The following PTK2 variants were observed in gnomAD, a reference collection of about 807,000 sequenced individuals.
PTK2 encodes protein tyrosine kinase 2.
A neutral mutation model predicts 150.1 loss-of-function variants in PTK2; 45 were observed. The observed-to-expected ratio is 0.30, with a 90% CI of 0.24 to 0.38. PTK2 has a LOEUF of 0.38. Ranked by LOEUF, PTK2 falls within the 10% of genes least tolerant of loss-of-function variation. PTK2 has a pLI of 1.00. For missense variants in PTK2, 919 were observed against 1,307.3 expected (o/e 0.70, Z 4.58); for synonymous variants, 432 against 449.2 (o/e 0.96, Z 0.48).
exon 11 of PTK2, chr8:140,803,602 T>C (rs768231879): frequency 1.9e-6 from 3 of 1,614,042 alleles, no homozygotes; most frequent in East Asian, 4.5e-5. Context: ...TCTTCACTGT[T>C]TGAATACTGA....
intron 27 of PTK2, among the ~76,000 whole-genome samples, chr8:140,685,765 G>A (rs1230245751): frequency 6.6e-6 from 1 of 152,198 alleles, no homozygotes; most frequent in East Asian, 1.9e-4. Flanking sequence ...TGGAGAAATA[G>A]AACACTTAAG....
At chr8:140,794,917 G>A (rs1231555216) in intron 12 of PTK2, among the ~76,000 whole-genome samples, 1 of 152,156 alleles carries the variant, frequency 6.6e-6, no homozygotes, top group Non-Finnish European at 1.5e-5. Flanking sequence ...AGGTTGCTGG[G>A]ACTTGCTGAT....
At chr8:140,881,693 C>T (rs1473050375) in intron 3 of PTK2, among the ~76,000 whole-genome samples, 1 of 152,174 alleles carries the variant, frequency 6.6e-6, no homozygotes, top group Admixed American at 6.5e-5. Context: ...TGTCACCATT[C>T]ACATCCTAAG....
At chr8:140,783,110 G>C (rs150725036) in intron 14 of PTK2, among the ~76,000 whole-genome samples, 2,557 of 152,024 alleles carry the variant, frequency 0.017, 73 homozygotes, top group African/African-American at 0.057. Context: ...GCATGGTGGC[G>C]CACACCTGTA....
At chr8:140,958,602 A>G (rs2100182028) in intron 1 of PTK2, among the ~76,000 whole-genome samples, 1 of 152,238 alleles carries the variant, frequency 6.6e-6, no homozygotes. Context: ...GTCACGTGCT[A>G]AGGAGCACTT....
chr8:140,707,918 A>T lies in PTK2; in HGVS notation c.2143-1713T>A, dbSNP rs1044487268. ...TTGCGTGACTGTGATCAAGTGACGA[A>T]ACTGACTGGCTTCTAGTTCCTCACC... On this transcript the variant is annotated intron_variant, in intron 23 of 31. Transcript: ENST00000522684. Among the ~76,000 whole-genome samples, 5 of 152,300 alleles carry T rather than the reference A, an allele frequency of 3.3e-5. No homozygotes were observed. In the East Asian group the frequency reaches 9.6e-4, roughly 29 times the overall value.
intron 1 of PTK2, among the ~76,000 whole-genome samples, chr8:140,929,833 A>G (rs2100171090): frequency 6.6e-6 from 1 of 151,956 alleles, no homozygotes. Context: ...TGTATTTTTC[A>G]GTTATGATAA....
intron 31 of PTK2, chr8:140,662,700 C>T: frequency 1.7e-6 from 1 of 592,876 alleles, no homozygotes; most frequent in Non-Finnish European, 3.2e-6. Context: ...AGTCAATGTC[C>T]AGTTGGTCAA....
intron 4 of PTK2, 43 bp from the exon 5 acceptor site, chr8:140,864,442 T>C: frequency 8.2e-7 from 1 of 1,218,266 alleles, no homozygotes; most frequent in Non-Finnish European, 1.2e-6. Context: ...AATCAGTCAT[T>C]TTCTCAATTT....
intron 22 of PTK2, among the ~76,000 whole-genome samples, chr8:140,723,410 G>A (rs2100044108): frequency 6.6e-6 from 1 of 152,128 alleles, no homozygotes; most frequent in African/African-American, 2.4e-5. Context: ...TTGCTGCTCA[G>A]AGGAACCAAG....
intron 1 of PTK2, among the ~76,000 whole-genome samples, chr8:140,959,269 G>A (rs200963596): frequency 1.3e-5 from 2 of 151,708 alleles, no homozygotes. Flanking sequence ...AGTGGCTCAC[G>A]CCTGTAATCC....
intron 1 of PTK2, among the ~76,000 whole-genome samples, chr8:140,972,426 G>C (rs1258849187): frequency 1.3e-5 from 2 of 152,026 alleles, no homozygotes; most frequent in Non-Finnish European, 2.9e-5. Flanking sequence ...CACCACGCCT[G>C]GCAAGTTTCT....
intron 31 of PTK2, among the ~76,000 whole-genome samples, chr8:140,664,128 C>T (rs1336695322): frequency 3.3e-5 from 5 of 152,024 alleles, no homozygotes; most frequent in East Asian, 3.9e-4. Context: ...GGACTATAGG[C>T]GCGTGCCACC....
rs1185296915 is a variant in PTK2, at chr8:140,989,293, C to A, written c.-122+11832G>T. ...CCTGTATTCCCAGCTACTCAGGAGG[C>A]TGAGGGAGGAGGATTGCTTGAGCCC... is the stretch of plus-strand genomic sequence containing the variant. On this transcript the variant is annotated intron_variant, in intron 1 of 31. Transcript: ENST00000522684. Among the ~76,000 whole-genome samples, 4 of 148,786 alleles carry A rather than the reference C, an allele frequency of 2.7e-5. No individual in the cohort carries two copies. The East Asian group carries it at 8.0e-4, about 30-fold the overall frequency.
At chr8:140,908,482 G>T (rs542778092) in intron 2 of PTK2, among the ~76,000 whole-genome samples, 26 of 152,346 alleles carry the variant, frequency 1.7e-4, no homozygotes, top group African/African-American at 6.3e-4. Context: ...TCTTTTATTA[G>T]AAGATGCCAT....
chr8:140,812,775 A>G (rs918560438), intron 10 of PTK2, among the ~76,000 whole-genome samples: 4 of 152,186 alleles, frequency 2.6e-5, no homozygotes, highest in African/African-American at 9.7e-5. Context: ...TCAGTTAAAA[A>G]AGACAAAGAA....
chr8:140,982,569 C>T (rs2100191834), intron 1 of PTK2, among the ~76,000 whole-genome samples: 1 of 152,132 alleles, frequency 6.6e-6, no homozygotes, highest in South Asian at 2.1e-4. Context: ...TGTACTCCAG[C>T]CTGGGCAACT....
chr8:140,805,473 C>A (rs1421008596), intron 10 of PTK2, among the ~76,000 whole-genome samples: 1 of 151,098 alleles, frequency 6.6e-6, no homozygotes, highest in African/African-American at 2.4e-5. Context: ...GCAGGAGAAT[C>A]ACTTGAACCA....
At chr8:140,849,088 C>T (rs1468280145) in intron 5 of PTK2, among the ~76,000 whole-genome samples, 1 of 152,122 alleles carries the variant, frequency 6.6e-6, no homozygotes, top group Non-Finnish European at 1.5e-5. Flanking sequence ...AGAATGAGTT[C>T]AAAGTTCTGA....
Sources: gnomAD v4.1 joint callset for allele counts (sites outside exome capture counted in the v4.1 genomes callset) on GRCh38, gnomAD v4.1.1 for gene constraint, MANE v1.5 for transcripts, NCBI Gene and HGNC (gene_info 2026-07-23, HGNC 2026-07-21) for gene names.